Variants in PACS1 observed in about 807,000 individuals in gnomAD.
PACS1 encodes phosphofurin acidic cluster sorting protein 1.
Under a neutral mutation model 115.0 loss-of-function variants are expected in PACS1, and 24 were observed. The ratio of observed to expected loss-of-function variants is 0.21; its 90% CI spans 0.15 to 0.29. PACS1 has a LOEUF of 0.29. PACS1 is among the 10% of genes least tolerant of loss of function. The pLI, the probability that PACS1 is intolerant of heterozygous loss-of-function variation, is 1.00. For synonymous variants in PACS1, 453 were observed against 504.5 expected, an observed-to-expected ratio of 0.90 and a Z score of 1.37; for missense variants, 838 against 1,251.2, an observed-to-expected ratio of 0.67 and a Z score of 4.98.
At chr11:66,140,963 A>G (rs1858967838) in intron 1 of PACS1, among the ~76,000 whole-genome samples, 1 of 152,158 alleles carries the variant, frequency 6.6e-6, no homozygotes, top group Non-Finnish European at 1.5e-5. Flanking sequence ...TCTACCATAC[A>G]TATCGTGGTA....
At chr11:66,132,424 G>C (rs557270513) in intron 1 of PACS1, among the ~76,000 whole-genome samples, 1 of 151,936 alleles carries the variant, frequency 6.6e-6, no homozygotes, top group Non-Finnish European at 1.5e-5. Context: ...GTGTGAAAAC[G>C]GATTAATACA....
At chr11:66,110,722 A>G (rs1186647753) in intron 1 of PACS1, among the ~76,000 whole-genome samples, 1 of 151,998 alleles carries the variant, frequency 6.6e-6, no homozygotes, top group Non-Finnish European at 1.5e-5. Flanking sequence ...GGTGTGCACC[A>G]CCATGCCCAG....
chr11:66,143,393 T>C (rs1303404404), intron 1 of PACS1, among the ~76,000 whole-genome samples: 1 of 152,236 alleles, frequency 6.6e-6, no homozygotes, highest in East Asian at 1.9e-4. Context: ...CTGGAACAGG[T>C]CTGAAGCCCT....
chr11:66,191,510 G>T (rs1854521829), intron 1 of PACS1, among the ~76,000 whole-genome samples: 1 of 152,142 alleles, frequency 6.6e-6, no homozygotes. Context: ...AAGTGAATTT[G>T]GGCAGGTCAC....
chr11:66,135,078 C>T (rs1161158662), intron 1 of PACS1, among the ~76,000 whole-genome samples: 1 of 151,356 alleles, frequency 6.6e-6, no homozygotes, highest in Non-Finnish European at 1.5e-5. Flanking sequence ...AGGTGTGGTG[C>T]TACTCCAGCT....
Position 66,070,690 on chromosome 11 carries a change from G to C in PACS1, c.204G>C (p.Ser68=). Residue 68 remains serine, a synonymous_variant, in exon 1 of 24, where the codon TCG becomes TCC. Coordinates refer to ENST00000320580, the MANE Select transcript of PACS1 (RefSeq NM_018026.4). This position sits in a 1 kb window ranked among gnomAD's most constrained non-coding sequence, Gnocchi z 5.9. ...SSTSAAAASS[S]SSSTSTSMAV... ...CCTCGGCGGCGGCTGCCTCCTCCTC[G>C]TCCTCGTCTACCTCCACCTCCATGG... 1 of 1,579,012 alleles carries C rather than the reference G, an allele frequency of 6.3e-7. No individual in the cohort carries two copies. Among genetic ancestry groups the C allele is most frequent in the Non-Finnish European group, 8.5e-7 (1 of 1,170,294 alleles).
Position 66,070,586 on chromosome 11 carries a change from CCG to C in PACS1, c.102_103del (p.Gln35AlafsTer84). 1 of 1,500,354 alleles carries C rather than the reference CCG, an allele frequency of 6.7e-7. No homozygotes were observed. The highest frequency in any genetic ancestry group is 2.1e-5 in the Admixed American group (1 of 47,150). 92.9% of individuals were successfully genotyped at this position (1,500,354 alleles called of 1,614,324 possible). On this transcript the variant is annotated frameshift_variant, in exon 1 of 24. Transcript: ENST00000320580. LOFTEE classifies it high-confidence loss of function. The surrounding 1 kb of genome is among the most constrained non-coding windows in gnomAD (Gnocchi z 5.9). ...CGCCCAGTCCCCTCAGCAGCCGCCG[CCG>C]CAGCAGCAGCAGCAGCAGCCGCCGC... ...GVAQSPQQPP[P>X]QQQQQQPPQQ...
intron 2 of PACS1, among the ~76,000 whole-genome samples, chr11:66,196,640 C>T (rs187790191): frequency 1.3e-4 from 20 of 152,240 alleles, no homozygotes; most frequent in African/African-American, 4.3e-4. Context: ...GACAGAGTCT[C>T]GCCCTGTTAT....
chr11:66,225,850 C>A (rs983586843), intron 10 of PACS1, among the ~76,000 whole-genome samples: 1 of 152,170 alleles, frequency 6.6e-6, no homozygotes, highest in Non-Finnish European at 1.5e-5. Context: ...CTAACCAGAG[C>A]TTTTCCATGA....
intron 1 of PACS1, among the ~76,000 whole-genome samples, chr11:66,110,381 A>G (rs1181962109): frequency 6.6e-6 from 1 of 152,092 alleles, no homozygotes; most frequent in Admixed American, 6.6e-5. Flanking sequence ...GCATGATCAT[A>G]GCTCACTGCA....
At chr11:66,182,911 C>T (rs1860040534) in intron 1 of PACS1, among the ~76,000 whole-genome samples, 1 of 152,168 alleles carries the variant, frequency 6.6e-6, no homozygotes, top group South Asian at 2.1e-4. Flanking sequence ...GCGGGCAGAT[C>T]GCTTGAACTG....
chr11:66,120,992 ATTGTGCTTCACTTTC>A (rs760576688), intron 1 of PACS1: 4 of 455,842 alleles, frequency 8.8e-6, no homozygotes, highest in Admixed American at 4.7e-5. Context: ...TCCTCCTTTT[ATTGTGCTTCACTTTC>A]TTGTGCTTCA....
chr11:66,170,909 C>CAA lies in PACS1; in HGVS notation c.357-22562_357-22561dup, dbSNP rs200066946. ...TGGTTGACAGAAAAAAACCCTGTCT[C>CAA]AAAAAAAAAAAAAAAAGGAAATTTG... On this transcript the variant is annotated intron_variant, in intron 1 of 23. Transcript: ENST00000320580. Among the ~76,000 whole-genome samples, 13 of 94,496 alleles carry CAA rather than the reference C, an allele frequency of 1.4e-4. 1 individual carries two copies. Among genetic ancestry groups the CAA allele is most frequent in the African/African-American group, 4.2e-4 (10 of 23,822 alleles). 62.0% of individuals were successfully genotyped at this position (94,496 alleles called of 152,430 possible). A position where few individuals can be genotyped will look rare whatever the true frequency, so the allele number is the denominator to read the frequency against.
At chr11:66,154,944 G>C (rs1194957662) in intron 1 of PACS1, among the ~76,000 whole-genome samples, 3 of 152,176 alleles carry the variant, frequency 2.0e-5, no homozygotes, top group African/African-American at 7.2e-5. Context: ...TAATAGACAT[G>C]TACATAAATG....
At chr11:66,120,936 G>T in intron 1 of PACS1, 1 of 446,176 alleles carries the variant, frequency 2.2e-6, no homozygotes, top group African/African-American at 2.0e-5. Context: ...CTTCCACAGG[G>T]CCTGTGCACG....
intron 1 of PACS1, among the ~76,000 whole-genome samples, chr11:66,169,131 T>C (rs555335458): frequency 6.6e-6 from 1 of 150,746 alleles, no homozygotes; most frequent in South Asian, 2.1e-4. Flanking sequence ...TTCCTAGTTT[T>C]TAAGAGAACA....
At chr11:66,218,329 C>T (rs911729377) in intron 7 of PACS1, 8 of 152,206 alleles carry the variant, frequency 5.3e-5, no homozygotes, top group African/African-American at 1.7e-4. Flanking sequence ...AGATAGGGCC[C>T]AGTCCATGCC....
At position 66,177,975 on chromosome 11, in the gene PACS1, C is replaced by T. The variant is rs1465055031; in HGVS notation, c.357-15511C>T. Among the ~76,000 whole-genome samples, 3 of 149,092 alleles carry T rather than the reference C, an allele frequency of 2.0e-5. No individual in the cohort carries two copies. In the South Asian group the frequency reaches 6.2e-4, roughly 31 times the overall value. ...AGAAAAATGTAGTGAATTAATGCAT[C>T]CAGGTGTCTAGGTTCCATTTTTAAT... On this transcript the variant is annotated intron_variant, in intron 1 of 23. Transcript: ENST00000320580.
chr11:66,212,603 A>G (rs889587216), intron 4 of PACS1, among the ~76,000 whole-genome samples: 1 of 152,032 alleles, frequency 6.6e-6, no homozygotes, highest in South Asian at 2.1e-4. Context: ...TGGAGTCTGC[A>G]GGGTTTTTCC....
Sources: gnomAD v4.1 joint callset for allele counts (sites outside exome capture counted in the v4.1 genomes callset) on GRCh38, gnomAD v4.1.1 for gene constraint, Gnocchi (gnomAD v3.1) non-coding constraint, MANE v1.5 for transcripts, NCBI Gene and HGNC (gene_info 2026-07-23, HGNC 2026-07-21) for gene names.